LRRFIP2: variants seen among roughly 807,000 people sequenced by gnomAD.
LRRFIP2 encodes the protein leucine-rich repeat flightless-interacting protein 2.
In LRRFIP2, 109 loss-of-function variants were observed where a neutral mutation model predicts 125.9. That is an observed-to-expected ratio of 0.87 (90% CI 0.74 to 1.01). The LOEUF is 1.01. Ranked by LOEUF, LRRFIP2 falls within the 50% of genes least tolerant of loss-of-function variation. The pLI, the probability that LRRFIP2 is intolerant of heterozygous loss-of-function variation, is 0.00. For missense variants in LRRFIP2, 850 were observed against 862.3 expected, an observed-to-expected ratio of 0.99 and a Z score of 0.18; for synonymous variants, 291 against 293.1, an observed-to-expected ratio of 0.99 and a Z score of 0.07.
At chr3:37,114,766 T>C (rs1267538830) in intron 7 of LRRFIP2, among the ~76,000 whole-genome samples, 3 of 151,614 alleles carry the variant, frequency 2.0e-5, no homozygotes, top group Non-Finnish European at 4.4e-5. Context: ...TCCAGCCTGG[T>C]TGACAGAGAG....
At chr3:37,084,857 T>TA (rs150780284) in intron 18 of LRRFIP2, among the ~76,000 whole-genome samples, 53,251 of 151,678 alleles carry the variant, frequency 0.35, 10,500 homozygotes, top group Non-Finnish European at 0.45. Flanking sequence ...TTTTTAAAGC[T>TA]AAAAAAAATG....
At chr3:37,143,867 A>T (rs1181788767) in intron 2 of LRRFIP2, 1 of 155,916 alleles carries the variant, frequency 6.4e-6, no homozygotes, top group African/African-American at 2.4e-5. Flanking sequence ...AAAGCAATGA[A>T]GCTTTTTAGA....
Position 37,094,788 on chromosome 3 carries a change from T to G in LRRFIP2, c.1035+4A>C. On this transcript the variant is annotated splice_donor_region_variant and intron_variant, in intron 17 of 27. Transcript: ENST00000336686. Reference sequence around the variant, plus strand: ...TAAAAAGAAAACCAAAAACTTCAGTTTACCCGCAATTCACTTAATGAAGTG... The same window carrying G: ...TAAAAAGAAAACCAAAAACTTCAGTGTACCCGCAATTCACTTAATGAAGTG... 1 of 1,605,218 alleles carries G rather than the reference T, an allele frequency of 6.2e-7. No individual in the cohort carries two copies. Among genetic ancestry groups the G allele is most frequent in the Non-Finnish European group, 8.5e-7 (1 of 1,172,274 alleles).
intron 1 of LRRFIP2, among the ~76,000 whole-genome samples, chr3:37,172,334 C>T (rs977552338): frequency 6.6e-6 from 1 of 152,146 alleles, no homozygotes; most frequent in Admixed American, 6.5e-5. Flanking sequence ...TCTACACTAG[C>T]AAGGCATGCG....
chr3:37,115,122 G>A, intron 6 of LRRFIP2, 27 bp from the exon 7 acceptor site: 1 of 1,546,130 alleles, frequency 6.5e-7, no homozygotes, highest in South Asian at 1.2e-5. Context: ...CATGAAAGTT[G>A]GTTTGTTTCC....
chr3:37,092,962 C>T (rs544967297), intron 17 of LRRFIP2, among the ~76,000 whole-genome samples: 2 of 152,260 alleles, frequency 1.3e-5, no homozygotes, highest in Non-Finnish European at 2.9e-5. Context: ...CCTCAGCCTC[C>T]CAAGTAGCTG....
intron 2 of LRRFIP2, among the ~76,000 whole-genome samples, chr3:37,133,812 T>C (rs1049581315): frequency 7.9e-5 from 12 of 152,222 alleles, no homozygotes; most frequent in African/African-American, 2.9e-4. Flanking sequence ...ACATATATTT[T>C]ACCAAAAGAA....
intron 18 of LRRFIP2, among the ~76,000 whole-genome samples, chr3:37,088,459 T>A (rs2093221394): frequency 6.6e-6 from 1 of 150,848 alleles, no homozygotes; most frequent in South Asian, 2.1e-4. Context: ...GGAGGATTGC[T>A]TGAGCCCAGG....
chr3:37,102,269 CAT>C (rs570535315), intron 15 of LRRFIP2, among the ~76,000 whole-genome samples: 86 of 151,618 alleles, frequency 5.7e-4, no homozygotes, highest in African/African-American at 1.8e-3. Flanking sequence ...TGGGAAATGA[CAT>C]GACATGGGAT....
intron 15 of LRRFIP2, 123 bp downstream of exon 15, chr3:37,102,801 C>A (rs1333760340): frequency 1.5e-6 from 1 of 676,132 alleles, no homozygotes; most frequent in Non-Finnish European, 2.4e-6. Context: ...CATGCCCGGC[C>A]CAAACAAATA....
At chr3:37,137,061 A>G (rs1156350711) in intron 2 of LRRFIP2, among the ~76,000 whole-genome samples, 1 of 151,602 alleles carries the variant, frequency 6.6e-6, no homozygotes, top group Non-Finnish European at 1.5e-5. Context: ...TTGACCTCCC[A>G]GGCTCAAGTG....
chr3:37,174,883 C>G (rs2096636062), upstream of LRRFIP2: 1 of 152,136 alleles, frequency 6.6e-6, no homozygotes, highest in African/African-American at 2.4e-5. Flanking sequence ...AGTGATCTAC[C>G]TTCGAAATGA....
chr3:37,172,161 A>T (rs2096594413), intron 1 of LRRFIP2, among the ~76,000 whole-genome samples: 1 of 152,256 alleles, frequency 6.6e-6, no homozygotes, highest in South Asian at 2.1e-4. Context: ...TCAATCTTAC[A>T]GTCACACTTT....
chr3:37,087,660 C>G (rs1357291947), intron 18 of LRRFIP2, among the ~76,000 whole-genome samples: 2 of 152,006 alleles, frequency 1.3e-5, no homozygotes, highest in African/African-American at 4.8e-5. Flanking sequence ...ACAATCTCAG[C>G]TCACTGCAAC....
chr3:37,096,649 T>C lies in LRRFIP2; in HGVS notation c.885A>G (p.Lys295=). Residue 295 remains lysine (K), a synonymous_variant, in exon 16 of 28, where the codon AAA becomes AAG. Coordinates refer to ENST00000336686, the MANE Select transcript of LRRFIP2 (RefSeq NM_006309.4). ...SIPDLSSLDE[K]SDKQYAENYT... Reference sequence around the variant, plus strand: ...AATTTTCAGCATACTGTTTGTCAGATTTTTCATCCAACTAGAAAAGAACAA... The same window carrying C: ...AATTTTCAGCATACTGTTTGTCAGACTTTTCATCCAACTAGAAAAGAACAA... 1.3e-6 allele frequency: 2 copies of C among 1,567,828 alleles called. No homozygotes were observed. Among genetic ancestry groups the C allele is most frequent in the Non-Finnish European group, 1.7e-6 (2 of 1,147,250 alleles).
intron 2 of LRRFIP2, chr3:37,140,246 C>T (rs1382660409): frequency 6.6e-6 from 1 of 152,134 alleles, no homozygotes; most frequent in Non-Finnish European, 1.5e-5. Flanking sequence ...CTGGGCCATA[C>T]TGTTAGTCTG....
At chr3:37,055,307 G>A (rs2086503571) in intron 25 of LRRFIP2, 142 bp from the exon 26 acceptor site, 1 of 515,988 alleles carries the variant, frequency 1.9e-6, no homozygotes, top group Non-Finnish European at 3.4e-6. Context: ...ACTCACGCCT[G>A]TAATCCCAGC....
Position 37,105,439 on chromosome 3 carries a change from T to C in LRRFIP2, c.783+16A>G, listed in dbSNP as rs2094270591. ...TTAAAACTCATCTTATTTCTTTGCA[T>C]GCAAATCATGCTCACCACACTCTCC... On this transcript the variant is annotated intron_variant, in intron 14 of 27. Transcript: ENST00000336686. 1 of 1,609,910 alleles carries C rather than the reference T, an allele frequency of 6.2e-7. No homozygotes were observed. Among genetic ancestry groups the C allele is most frequent in the African/African-American group, 1.3e-5 (1 of 74,980 alleles).
At chr3:37,114,330 C>T (rs1019447688) in intron 7 of LRRFIP2, among the ~76,000 whole-genome samples, 1 of 152,138 alleles carries the variant, frequency 6.6e-6, no homozygotes, top group Non-Finnish European at 1.5e-5. Context: ...TCTAACACTA[C>T]TGGATGTTTT....
Sources: allele counts gnomAD v4.1 joint callset (sites outside exome capture counted in the v4.1 genomes callset), GRCh38; gene constraint gnomAD v4.1.1; transcripts MANE v1.5; gene names NCBI Gene and HGNC (gene_info 2026-07-23, HGNC 2026-07-21).